The following NUP160 variants were observed in gnomAD, a reference collection of about 807,000 sequenced individuals.
NUP160 encodes nucleoporin 160.
NUP160 carries 94 observed loss-of-function variants against 196.9 expected under a neutral mutation model. The ratio of observed to expected loss-of-function variants is 0.48; its 90% CI spans 0.40 to 0.57. The LOEUF is 0.57. NUP160 is among the 20% of genes least tolerant of loss of function. The pLI, the probability that NUP160 is intolerant of heterozygous loss-of-function variation, is 0.00. For missense variants in NUP160, 1,638 were observed against 1,748.3 expected (o/e 0.94, Z 1.13); for synonymous variants, 605 against 619.7 (o/e 0.98, Z 0.35).
At chr11:47,798,139 G>A (rs1044342139) in intron 25 of NUP160, 29 bp downstream of exon 25, 1 of 1,569,308 alleles carries the variant, frequency 6.4e-7, no homozygotes, top group Non-Finnish European at 8.8e-7. Context: ...TTGGTAAATT[G>A]TCTTCTCTAA....
At chr11:47,817,358 T>TG (rs895622930) in intron 11 of NUP160, among the ~76,000 whole-genome samples, 1 of 151,352 alleles carries the variant, frequency 6.6e-6, no homozygotes, top group Non-Finnish European at 1.5e-5. Context: ...TTTTTTTTTT[T>TG]TTTGAGACAG....
intron 32 of NUP160, 38 bp from the exon 33 acceptor site, chr11:47,785,101 C>CTTTTTTTTTTTTTT (rs763781654): frequency 2.7e-6 from 3 of 1,107,986 alleles, no homozygotes; most frequent in East Asian, 2.7e-5. Flanking sequence ...GTTTCAGATT[C>CTTTTTTTTTTTTTT]TTAATAGCTA....
chr11:47,840,272 C>T (rs753537018), intron 3 of NUP160, 106 bp downstream of exon 3: 29 of 1,035,706 alleles, frequency 2.8e-5, no homozygotes, highest in South Asian at 3.9e-5. Flanking sequence ...TGAGGGATAA[C>T]GAGAATCCAA....
intron 23 of NUP160, among the ~76,000 whole-genome samples, chr11:47,798,806 G>A (rs2097672398): frequency 6.6e-6 from 1 of 151,828 alleles, no homozygotes; most frequent in Admixed American, 6.6e-5. Context: ...TTTCAGCCTG[G>A]GTGGTATAGC....
At chr11:47,819,862 T>C (rs1035661060) in intron 9 of NUP160, among the ~76,000 whole-genome samples, 4 of 152,234 alleles carry the variant, frequency 2.6e-5, no homozygotes, top group African/African-American at 7.2e-5. Context: ...TTGAAGGATA[T>C]AGTACTCCCA....
rs12270101 is a variant in NUP160 at position 47,831,247 on chromosome 11, C to T, written c.1101+4404G>A. On this transcript the variant is annotated intron_variant, in intron 7 of 35. Transcript: ENST00000378460. ...GGAAGAGACACAAATAACCAATAAG[C>T]ACTAAAAAGATGCTTGGCATCATTA... Among the ~76,000 whole-genome samples the T allele has an allele frequency of 4.5e-3, 684 of 152,178 alleles. 10 individuals are homozygous for T. Among genetic ancestry groups the T allele is most frequent in the African/African-American group, 0.016 (654 of 41,514 alleles).
exon 16 of NUP160, chr11:47,812,396 C>T: frequency 5.6e-6 from 9 of 1,613,722 alleles, no homozygotes; most frequent in Non-Finnish European, 7.6e-6. Context: ...TAATCTCTTG[C>T]AGTTTACTAC....
chr11:47,838,634 G>C (rs935443304), intron 4 of NUP160, among the ~76,000 whole-genome samples: 3 of 151,792 alleles, frequency 2.0e-5, no homozygotes, highest in African/African-American at 7.3e-5. Context: ...CTTGAACCTG[G>C]GGGGGGCGGA....
intron 27 of NUP160, among the ~76,000 whole-genome samples, chr11:47,796,779 T>C (rs1242392625): frequency 4.6e-5 from 7 of 152,188 alleles, no homozygotes; most frequent in Non-Finnish European, 1.0e-4. Context: ...TGCAGTGACA[T>C]GATTTTGGCT....
intron 33 of NUP160, 57 bp from the exon 34 acceptor site, chr11:47,783,255 AC>A (rs1223902184): frequency 7.7e-6 from 12 of 1,563,288 alleles, no homozygotes; most frequent in Non-Finnish European, 9.5e-6. Flanking sequence ...TTGAGTACTG[AC>A]CAAAGAATGT....
At chr11:47,779,162 G>C (rs925553943) in exon 36 of NUP160, 5 of 1,613,092 alleles carry the variant, frequency 3.1e-6, no homozygotes, top group Non-Finnish European at 4.2e-6. Context: ...TTTGCTGGTA[G>C]TCCTCCAATT....
chr11:47,809,026 A>G (rs2097679423), intron 17 of NUP160, among the ~76,000 whole-genome samples: 2 of 151,892 alleles, frequency 1.3e-5, no homozygotes, highest in South Asian at 2.1e-4. Flanking sequence ...GCTTGAACCC[A>G]GGAGGCGGAT....
At chr11:47,819,296 G>A (rs557809515) in intron 10 of NUP160, 78 bp downstream of exon 10, 565 of 1,038,998 alleles carry the variant, frequency 5.4e-4, no homozygotes, top group Non-Finnish European at 7.5e-4. Flanking sequence ...CTGGGCCACA[G>A]AGCGAGACTC....
At chr11:47,817,697 G>C (rs573994516) in intron 11 of NUP160, among the ~76,000 whole-genome samples, 3 of 152,158 alleles carry the variant, frequency 2.0e-5, no homozygotes, top group East Asian at 3.9e-4. Context: ...CTAATAAAAA[G>C]GTTAAAACAG....
At chr11:47,847,304 C>T (rs1349201657) in intron 2 of NUP160, among the ~76,000 whole-genome samples, 9 of 152,118 alleles carry the variant, frequency 5.9e-5, no homozygotes, top group Non-Finnish European at 1.0e-4. Flanking sequence ...TTCCCTGCCC[C>T]ACTAATTATA....
At chr11:47,819,534 G>A in intron 9 of NUP160, 76 bp from the exon 10 acceptor site, 2 of 962,346 alleles carry the variant, frequency 2.1e-6, no homozygotes, top group South Asian at 1.4e-5. Context: ...GCAGTATCTG[G>A]GCAGGGAGGA....
At chr11:47,811,578 A>C (rs985870565) in intron 17 of NUP160, among the ~76,000 whole-genome samples, 5 of 152,168 alleles carry the variant, frequency 3.3e-5, no homozygotes, top group Non-Finnish European at 5.9e-5. Context: ...CATAGTTACT[A>C]ATAATACTAC....
rs1286154511 is a variant in NUP160 at position 47,815,653 on chromosome 11, G to T, written c.1516-4C>A. 6.4e-7 allele frequency: 1 copy of T among 1,572,314 alleles called. No homozygotes were observed. Among genetic ancestry groups the T allele is most frequent in the African/African-American group, 1.4e-5 (1 of 72,582 alleles). ...ACTCTGTTACACTTCCTTGAAGCTG[G>T]CAAAGAAGAAATGAAAGAAATTAAA... On this transcript the variant is annotated splice_polypyrimidine_tract_variant and splice_region_variant and intron_variant, in intron 12 of 35. Transcript: ENST00000378460.
At chr11:47,841,246 C>A in intron 2 of NUP160, 1 of 247,530 alleles carries the variant, frequency 4.0e-6, no homozygotes. Context: ...GTTTATTAAT[C>A]CCAGCTGAGG....
Sources: gnomAD v4.1 joint callset for allele counts (sites outside exome capture counted in the v4.1 genomes callset) on GRCh38, gnomAD v4.1.1 for gene constraint, MANE v1.5 for transcripts, NCBI Gene and HGNC (gene_info 2026-07-23, HGNC 2026-07-21) for gene names.